Variants in CD79B observed in about 807,000 individuals in gnomAD.
CD79B encodes CD79b molecule.
CD79B carries 7 observed loss-of-function variants against 30.0 expected under a neutral mutation model. The ratio of observed to expected loss-of-function variants is 0.23; its 90% CI spans 0.13 to 0.44. The LOEUF (loss-of-function observed/expected upper bound fraction) is 0.44, where lower values mean the gene tolerates loss of function less well. Ranked by LOEUF, CD79B falls within the 20% of genes least tolerant of loss-of-function variation. The pLI is 1.00. For synonymous variants in CD79B, 118 were observed against 119.2 expected, an observed-to-expected ratio of 0.99 and a Z score of 0.07; for missense variants, 218 against 299.1, an observed-to-expected ratio of 0.73 and a Z score of 2.00.
rs1279804782 is a variant in CD79B, at chr17:63,929,287, A to G, written c.629T>C (p.Ile210Thr). 2 of 1,613,960 alleles carry G rather than the reference A, an allele frequency of 1.2e-6. No homozygotes were observed. The highest frequency in any genetic ancestry group is 1.1e-5 in the South Asian group (1 of 91,080). Residue 210 changes from isoleucine to threonine, a missense_variant, in exon 6 of 6, where the codon ATA (isoleucine) becomes ACA (threonine). Coordinates refer to ENST00000006750, the MANE Select transcript of CD79B (RefSeq NM_000626.4). ...CACTTCCCCTGTCCGCAGCGTCACT[A>G]TGTCCTCATAGGTGGCTGTCTGGTC... Reference protein sequence around the residue: ...DIDQTATYEDIVTLRTGEVKW... With the variant: ...DIDQTATYEDTVTLRTGEVKW...
chr17:63,930,026 AG>A (rs1194542167), intron 3 of CD79B, 47 bp downstream of exon 3: 2 of 1,602,052 alleles, frequency 1.2e-6, no homozygotes, highest in Admixed American at 3.4e-5. Context: ...AGGCCGGGCT[AG>A]GGTGGGGCGG....
Position 63,930,345 on chromosome 17 carries a change from T to C in CD79B, c.159A>G (p.Ile53Met). The C allele has an allele frequency of 2.5e-6, 4 of 1,614,116 alleles. No homozygotes were observed. Among genetic ancestry groups the C allele is most frequent in the Non-Finnish European group, 3.4e-6 (4 of 1,180,022 alleles). ...CSRIWQSPRF[I>M]ARKRGFTVKM... is the part of the protein sequence containing the mutation. ...TCACCGTGAAGCCCCGTTTCCTGGC[T>C]ATGAAACGTGGGCTCTGCCAGATCC... The change falls in exon 3 of 6, where the codon ATA becomes ATG. Residue 53 changes from isoleucine to methionine, a missense_variant. Physicochemically the swap from Ile to Met is conservative, Grantham distance 10 (BLOSUM62 1). Transcript: ENST00000006750.
At chr17:63,932,091 TGA>T in intron 1 of CD79B, 102 bp downstream of exon 1, 4 of 1,018,656 alleles carry the variant, frequency 3.9e-6, no homozygotes, top group Non-Finnish European at 6.1e-6. Flanking sequence ...CGGTAAAGAG[TGA>T]GAGACAGAGG....
rs1438753909 is a variant in CD79B, at chr17:63,929,033, C to T, written c.*193G>A. On this transcript the variant is annotated 3_prime_UTR_variant, in exon 6 of 6. Coordinates refer to ENST00000006750, the MANE Select transcript of CD79B (RefSeq NM_000626.4). ...AGAGAACTCCCTCCAAGTTGCTGCC[C>T]TGTTGTCCTTCTACTCCAGGCCCTT... The T allele has an allele frequency of 9.6e-6, 6 of 624,016 alleles. No individual in the cohort carries two copies. The highest frequency in any genetic ancestry group is 1.7e-5 in the Non-Finnish European group (6 of 347,502). 38.7% of individuals were successfully genotyped at this position (624,016 alleles called of 1,614,324 possible).
chr17:63,930,048 G>A (rs1441132822), intron 3 of CD79B, 26 bp downstream of exon 3: 1 of 1,611,160 alleles, frequency 6.2e-7, no homozygotes, highest in Admixed American at 1.7e-5. Flanking sequence ...ACAGCTACAG[G>A]AGCGTCCCAG....
chr17:63,931,450 C>T (rs1188712618), intron 1 of CD79B, 65 bp from the exon 2 acceptor site: 2 of 1,474,518 alleles, frequency 1.4e-6, no homozygotes, highest in African/African-American at 1.4e-5. Context: ...TGCCCCACCC[C>T]TGCATGCCCT....
Position 63,929,754 on chromosome 17 carries a change from C to T in CD79B, c.549+16G>A, listed in dbSNP as rs200501913. ...TCCTCTGCGGTCCCCCAAGGCTTCCCCCGTCCCCTGATCACCTTGTCCAGC... is the reference window on the plus strand; with the variant it reads ...TCCTCTGCGGTCCCCCAAGGCTTCCTCCGTCCCCTGATCACCTTGTCCAGC... On this transcript the variant is annotated intron_variant, in intron 4 of 5. Coordinates refer to ENST00000006750, the MANE Select transcript of CD79B (RefSeq NM_000626.4). 5.3e-5 allele frequency: 83 copies of T among 1,578,088 alleles called. No homozygotes were observed. In the African/African-American group the frequency reaches 1.0e-3, roughly 20 times the overall value.
At position 63,931,420 on chromosome 17, in the gene CD79B, G is replaced by A. The variant is rs757021119; in HGVS notation, c.68-35C>T. On this transcript the variant is annotated intron_variant, in intron 1 of 5. Transcript: ENST00000006750. ...GGGAGGAAGTGGGCGGGGCCAGTCA[G>A]GGCCTCCTCTGGCCTGGGCTGCCCC... 5 of 1,609,198 alleles carry A rather than the reference G, an allele frequency of 3.1e-6. No individual in the cohort carries two copies. The Admixed American group carries it at 6.7e-5, about 21-fold the overall frequency.
intron 5 of CD79B, 54 bp downstream of exon 5, chr17:63,929,380 T>C: frequency 6.2e-7 from 1 of 1,609,838 alleles, no homozygotes; most frequent in Admixed American, 1.7e-5. Flanking sequence ...CACCAGCAGA[T>C]AGTGGCCACT....
chr17:63,932,134 G>T (rs1049800603), intron 1 of CD79B, 61 bp downstream of exon 1: 2 of 1,447,552 alleles, frequency 1.4e-6, no homozygotes, highest in Non-Finnish European at 1.9e-6. Context: ...AGGCAGAGCC[G>T]CAGGGCCCAG....
chr17:63,931,971 C>T, intron 1 of CD79B: 2 of 630,490 alleles, frequency 3.2e-6, no homozygotes, highest in East Asian at 5.6e-5. Flanking sequence ...CCAGCTCAGC[C>T]TGATGCTCTC....
intron 5 of CD79B, 50 bp downstream of exon 5, chr17:63,929,384 G>C: frequency 6.2e-7 from 1 of 1,610,098 alleles, no homozygotes; most frequent in Non-Finnish European, 8.5e-7. Flanking sequence ...AGCAGATAGT[G>C]GCCACTGACC....
At chr17:63,931,741 CTT>C (rs78942438) in intron 1 of CD79B, 64,734 of 277,522 alleles carry the variant, frequency 0.23, 4,708 homozygotes, top group Middle Eastern at 0.29. Context: ...CCCTGTCTCT[CTT>C]TTTTTTTTTT....
In CD79B at chr17:63,929,839, A is replaced by G. The variant is rs1281902829; in HGVS notation, c.480T>C (p.Gly160=). 1.9e-6 allele frequency: 3 copies of G among 1,613,768 alleles called. No individual in the cohort carries two copies. The highest frequency in any genetic ancestry group is 3.3e-5 in the Admixed American group (2 of 60,026). The stretch of plus-strand genomic sequence containing the variant: ...TCAGCAGCGTCTGGATCATGATGAT[A>G]CCATCCTTCAGCGTGTTCCTCTGCT... ...QLKQRNTLKD[G]IIMIQTLLII... The change falls in exon 4 of 6, where the codon GGT becomes GGC. Residue 160 remains glycine, a synonymous_variant. Transcript: ENST00000006750.
chr17:63,931,264 G>T, intron 2 of CD79B, 71 bp downstream of exon 2: 1 of 1,511,112 alleles, frequency 6.6e-7, no homozygotes, highest in East Asian at 2.3e-5. Context: ...CCCCAGGACA[G>T]GGACCATAGT....
Position 63,932,247 on chromosome 17 carries a change from C to T in CD79B, c.15G>A (p.Ala5=), listed in dbSNP as rs199930415. 38 of 1,612,740 alleles carry T rather than the reference C, an allele frequency of 2.4e-5. No homozygotes were observed. Among genetic ancestry groups the T allele is most frequent in the East Asian group, 1.8e-4 (8 of 44,878 alleles). The change falls in exon 1 of 6, where the codon GCG becomes GCA. Residue 5 remains alanine, a synonymous_variant. Coordinates refer to ENST00000006750, the MANE Select transcript of CD79B (RefSeq NM_000626.4). ...TCCAGTGGCTGGGCACAGGAGACAA[C>T]GCCAGCCTGGCCATGGTCACCGCTC... The part of the protein sequence containing the change: MARL[A]LSPVPSHWMV...
intron 1 of CD79B, 90 bp from the exon 2 acceptor site, chr17:63,931,475 C>T: frequency 8.0e-7 from 1 of 1,253,068 alleles, no homozygotes; most frequent in Non-Finnish European, 1.2e-6. Flanking sequence ...GTTCCCGGAG[C>T]TACTTCCTCC....
intron 5 of CD79B, 25 bp downstream of exon 5, chr17:63,929,409 C>T (rs769745746): frequency 6.2e-7 from 1 of 1,613,778 alleles, no homozygotes; most frequent in East Asian, 2.2e-5. Context: ...GGACTCAGAG[C>T]TGCTGGGCCT....
chr17:63,932,215 G>A lies in CD79B; in HGVS notation c.47C>T (p.Ala16Val), dbSNP rs114330958. ...LSPVPSHWMVALLLLLSAEPV... is the reference protein window; with the variant it reads ...LSPVPSHWMVVLLLLLSAEPV... ...TGTACCTGAGAGCAGCAGCAGCAAC[G>A]CCACCATCCAGTGGCTGGGCACAGG... is the stretch of plus-strand genomic sequence containing the variant. Residue 16 changes from alanine (A) to valine (V), a missense_variant, in exon 1 of 6, where the codon GCG (alanine) becomes GTG (valine). Physicochemically the swap from Ala to Val is moderately conservative, Grantham distance 64. Coordinates refer to ENST00000006750, the MANE Select transcript of CD79B (RefSeq NM_000626.4). 74 of 1,613,120 alleles carry A rather than the reference G, an allele frequency of 4.6e-5. 1 individual carries two copies. Among genetic ancestry groups the A allele is most frequent in the East Asian group, 2.2e-4 (10 of 44,884 alleles).
Sources: gnomAD v4.1 joint callset for allele counts on GRCh38, gnomAD v4.1.1 for gene constraint, MANE v1.5 for transcripts, NCBI Gene and HGNC (gene_info 2026-07-23, HGNC 2026-07-21) for gene names.